Variants in XKR6 observed in about 807,000 individuals in gnomAD.
The protein encoded by XKR6 is XK-related protein 6.
XKR6 carries 22 observed loss-of-function variants against 56.7 expected under a neutral mutation model. That is an observed-to-expected ratio of 0.39 (90% CI 0.28 to 0.55). The LOEUF is 0.55. XKR6 is among the 20% of genes least tolerant of loss of function. XKR6 has a pLI of 0.66. For synonymous variants in XKR6, 524 were observed against 387.8 expected, an observed-to-expected ratio of 1.35 and a Z score of -4.13; for missense variants, 852 against 889.0, an observed-to-expected ratio of 0.96 and a Z score of 0.53.
chr8:11,127,046 C>G lies in XKR6; in HGVS notation c.764+73530G>C, dbSNP rs1178057978. ...GGGTAAGTTTGTCTTGTGTATCATT[C>G]TTTACAACAGGGTTATACTCTAGGA... On this transcript the variant is annotated intron_variant, in intron 1 of 2. Coordinates refer to ENST00000416569, the MANE Select transcript of XKR6 (RefSeq NM_173683.4). Among the ~76,000 whole-genome samples, 4 of 152,156 alleles carry G rather than the reference C, an allele frequency of 2.6e-5. 1 individual carries two copies. The highest frequency in any genetic ancestry group is 5.9e-5 in the Non-Finnish European group (4 of 68,024).
At chr8:11,143,738 G>C (rs983769556) in intron 1 of XKR6, among the ~76,000 whole-genome samples, 2 of 152,164 alleles carry the variant, frequency 1.3e-5, no homozygotes, top group Non-Finnish European at 2.9e-5. Flanking sequence ...TCCTGCTGTG[G>C]TCCTGGATGG....
intron 1 of XKR6, among the ~76,000 whole-genome samples, chr8:11,029,352 C>T (rs1435092281): frequency 1.3e-5 from 2 of 152,178 alleles, no homozygotes; most frequent in Non-Finnish European, 2.9e-5. Flanking sequence ...GACTGTGTTT[C>T]CCCAGATCCA....
At chr8:10,919,081 A>G (rs79811600) in intron 2 of XKR6, among the ~76,000 whole-genome samples, 22 of 152,130 alleles carry the variant, frequency 1.4e-4, no homozygotes, top group Non-Finnish European at 2.8e-4. Context: ...GGGGTCCCCT[A>G]TGCTTTTCCC....
At chr8:11,065,827 A>G in intron 1 of XKR6, among the ~76,000 whole-genome samples, 1 of 152,138 alleles carries the variant, frequency 6.6e-6, no homozygotes, top group Admixed American at 6.5e-5. Flanking sequence ...GCTGTCCTCA[A>G]ATAGGCAGTG....
chr8:11,064,407 G>A (rs115160929), intron 1 of XKR6, among the ~76,000 whole-genome samples: 102 of 152,246 alleles, frequency 6.7e-4, no homozygotes, highest in African/African-American at 2.4e-3. Context: ...GCCATCATCT[G>A]ATCACATAGT....
At chr8:11,187,217 C>T (rs1292117614) in intron 1 of XKR6, among the ~76,000 whole-genome samples, 1 of 152,204 alleles carries the variant, frequency 6.6e-6, no homozygotes, top group East Asian at 1.9e-4. Context: ...CACCCTATGG[C>T]TAGGTTTTGG....
At position 10,898,663 on chromosome 8, in the gene XKR6, T is replaced by C. The variant is rs780438856; in HGVS notation, c.1215A>G (p.Gly405=). 1 of 1,614,112 alleles carries C rather than the reference T, an allele frequency of 6.2e-7. No individual in the cohort carries two copies. Among genetic ancestry groups the C allele is most frequent in the Non-Finnish European group, 8.5e-7 (1 of 1,180,018 alleles). Residue 405 remains glycine, a synonymous_variant, in exon 3 of 3, where the codon GGA becomes GGG. Coordinates refer to ENST00000416569, the MANE Select transcript of XKR6 (RefSeq NM_173683.4). The surrounding 1 kb of genome is among the most constrained non-coding windows in gnomAD (Gnocchi z 6.6). The part of the protein sequence containing the change: ...CAMAFWIIHG[G]TDFCMSKWEE... ...CCCACTTGGACATGCAGAAGTCTGT[T>C]CCGCCATGGATGATCCAGAAGGCCA... is the stretch of plus-strand genomic sequence containing the variant.
chr8:11,160,911 CAAAAAA>C (rs33931830), intron 1 of XKR6, among the ~76,000 whole-genome samples: 1 of 63,778 alleles, frequency 1.6e-5, no homozygotes, highest in African/African-American at 6.5e-5. Flanking sequence ...GACTCCGTCT[CAAAAAA>C]AAAAAAAAAA....
chr8:10,954,866 C>CTTTTT lies in XKR6; in HGVS notation c.765-30041_765-30037dup, dbSNP rs34248780. On this transcript the variant is annotated intron_variant, in intron 1 of 2. Coordinates refer to ENST00000416569, the MANE Select transcript of XKR6 (RefSeq NM_173683.4). ...TAAGGTAAGGGTCTAACTTCATTCT[C>CTTTTT]TTTTTTTTTTTTTTTTTTTTAGACA... is the stretch of plus-strand genomic sequence containing the variant. Among the ~76,000 whole-genome samples the CTTTTT allele has an allele frequency of 1.9e-4, 18 of 92,782 alleles. 1 individual carries two copies. Among genetic ancestry groups the CTTTTT allele is most frequent in the African/African-American group, 5.2e-4 (12 of 23,246 alleles). 60.9% of individuals were successfully genotyped at this position (92,782 alleles called of 152,430 possible). A position where few individuals can be genotyped will look rare whatever the true frequency, so the allele number is the denominator to read the frequency against.
chr8:11,109,835 C>A (rs1201852573), intron 1 of XKR6: 1 of 152,124 alleles, frequency 6.6e-6, no homozygotes, highest in Non-Finnish European at 1.5e-5. Context: ...TAAGAGGAAA[C>A]ACCTCTACTG....
chr8:10,986,020 T>C (rs1004590273), intron 1 of XKR6, among the ~76,000 whole-genome samples: 4 of 152,188 alleles, frequency 2.6e-5, no homozygotes, highest in Non-Finnish European at 5.9e-5. Flanking sequence ...AGACTACTAA[T>C]AGATGATAAA....
intron 1 of XKR6, among the ~76,000 whole-genome samples, chr8:11,150,266 C>T (rs1230078691): frequency 1.3e-5 from 2 of 152,134 alleles, no homozygotes; most frequent in African/African-American, 4.8e-5. Flanking sequence ...GATAAGTACT[C>T]AATGTCATGG....
At chr8:11,129,789 C>T (rs1800010940) in intron 1 of XKR6, among the ~76,000 whole-genome samples, 1 of 151,528 alleles carries the variant, frequency 6.6e-6, no homozygotes. Context: ...TCTTTTCTAT[C>T]CAGCCAAGCC....
At chr8:11,160,979 A>C (rs563417277) in intron 1 of XKR6, among the ~76,000 whole-genome samples, 3 of 152,210 alleles carry the variant, frequency 2.0e-5, no homozygotes, top group Non-Finnish European at 2.9e-5. Flanking sequence ...CTACTTCAAA[A>C]ATTCAGGGTG....
intron 1 of XKR6, among the ~76,000 whole-genome samples, chr8:11,075,288 G>C (rs1800244647): frequency 6.6e-6 from 1 of 152,222 alleles, no homozygotes; most frequent in Non-Finnish European, 1.5e-5. Context: ...CCGACAAAGA[G>C]CCTGGACTTT....
chr8:10,898,354 A>T lies in XKR6; in HGVS notation c.1524T>A (p.Leu508=), dbSNP rs137966945. 3.7e-6 allele frequency: 6 copies of T among 1,613,892 alleles called. No homozygotes were observed. In the African/African-American group the frequency reaches 8.0e-5, roughly 22 times the overall value. ...GCAGCTCGGCACAACAGGAGCTGGC[A>T]AGGATCTTAGCTCGTGGTCCTGTGG... ...LHPTGPRAKI[L]ASSCCAELLW... is the part of the protein sequence containing the mutation. Residue 508 remains leucine, a synonymous_variant, in exon 3 of 3, where the codon CTT becomes CTA. Coordinates refer to ENST00000416569, the MANE Select transcript of XKR6 (RefSeq NM_173683.4). The surrounding 1 kb of genome is among the most constrained non-coding windows in gnomAD (Gnocchi z 6.6).
At chr8:10,935,972 G>A (rs1358128469) in intron 1 of XKR6, among the ~76,000 whole-genome samples, 3 of 149,410 alleles carry the variant, frequency 2.0e-5, no homozygotes, top group Middle Eastern at 3.5e-3. Context: ...TTTCTGTCTC[G>A]TTGATCTGTC....
chr8:10,987,557 C>T (rs1452091740), intron 1 of XKR6, among the ~76,000 whole-genome samples: 1 of 152,220 alleles, frequency 6.6e-6, no homozygotes, highest in Non-Finnish European at 1.5e-5. Flanking sequence ...ACCTGGATTA[C>T]TGCTGTGCAG....
intron 1 of XKR6, among the ~76,000 whole-genome samples, chr8:11,091,893 C>T (rs1007744587): frequency 1.8e-4 from 27 of 152,258 alleles, no homozygotes; most frequent in Middle Eastern, 3.4e-3. Flanking sequence ...CCAAGGTCAT[C>T]GTAAGCATTC....
Sources: gnomAD v4.1 joint callset for allele counts (sites outside exome capture counted in the v4.1 genomes callset) on GRCh38, gnomAD v4.1.1 for gene constraint, Gnocchi (gnomAD v3.1) non-coding constraint, MANE v1.5 for transcripts, NCBI Gene and HGNC (gene_info 2026-07-23, HGNC 2026-07-21) for gene names.